The following UBE4B variants were observed in gnomAD, a reference collection of about 807,000 sequenced individuals.
UBE4B encodes ubiquitination factor E4B.
Under a neutral mutation model 148.1 loss-of-function variants are expected in UBE4B, and 27 were observed. The ratio of observed to expected loss-of-function variants is 0.18; its 90% CI spans 0.13 to 0.25. The LOEUF is 0.25. Ranked by LOEUF, UBE4B falls within the 10% of genes least tolerant of loss-of-function variation. The pLI is 1.00. For synonymous variants in UBE4B, 596 were observed against 619.3 expected (o/e 0.96, Z 0.56); for missense variants, 1,170 against 1,662.4 (o/e 0.70, Z 5.15).
Position 10,072,084 on chromosome 1 carries a change from C to G in UBE4B, c.81C>G (p.Thr27=), listed in dbSNP as rs1644496353. 6.2e-7 allele frequency: 1 copy of G among 1,612,806 alleles called. No individual in the cohort carries two copies. The highest frequency in any genetic ancestry group is 8.5e-7 in the Non-Finnish European group (1 of 1,179,552). ...GTGGACAGACCTCTCAGCCAACCAC[C>G]CCACTCACCTCTCCCCAGAGGGAGA... is the stretch of plus-strand genomic sequence containing the variant. ...LAGGQTSQPT[T]PLTSPQRENP... The change falls in exon 2 of 28, where the codon ACC becomes ACG. Residue 27 remains threonine, a synonymous_variant. Transcript: ENST00000343090.
intron 22 of UBE4B, 130 bp downstream of exon 22, chr1:10,158,612 C>G (rs922123167): frequency 8.4e-7 from 1 of 1,189,492 alleles, no homozygotes; most frequent in Non-Finnish European, 1.2e-6. Flanking sequence ...GAGTTTACCA[C>G]AAGATGCCAC....
chr1:10,076,615 T>G (rs1644587508), intron 2 of UBE4B, among the ~76,000 whole-genome samples: 1 of 151,954 alleles, frequency 6.6e-6, no homozygotes, highest in Non-Finnish European at 1.5e-5. Context: ...CCAGGAGTGC[T>G]TGGCAGCAGT....
intron 10 of UBE4B, among the ~76,000 whole-genome samples, chr1:10,125,140 A>T (rs998014591): frequency 2.0e-5 from 3 of 151,264 alleles, no homozygotes; most frequent in African/African-American, 7.4e-5. Flanking sequence ...AAAGAAAAAG[A>T]AAAAGAAAAA....
At chr1:10,074,337 CAT>C (rs1644542565) in intron 2 of UBE4B, among the ~76,000 whole-genome samples, 1 of 142,164 alleles carries the variant, frequency 7.0e-6, no homozygotes. Flanking sequence ...TTTTCCATCT[CAT>C]ATGGCCTTTT....
intron 1 of UBE4B, among the ~76,000 whole-genome samples, chr1:10,062,572 A>G (rs1644306264): frequency 6.6e-6 from 1 of 150,888 alleles, no homozygotes; most frequent in Admixed American, 6.6e-5. Context: ...CTTGGCTCCC[A>G]AAGTGTTGGG....
At chr1:10,095,661 TAG>T in intron 3 of UBE4B, 65 bp downstream of exon 3, 2 of 1,598,938 alleles carry the variant, frequency 1.3e-6, no homozygotes, top group Non-Finnish European at 1.7e-6. Flanking sequence ...CCATTCACTT[TAG>T]CCTCTAGTCC....
rs139164134 is a variant in UBE4B, at chr1:10,146,672, C to T, written c.2464-291C>T. 1.5e-3 allele frequency among the ~76,000 whole-genome samples: 228 copies of T among 152,212 alleles called. 2 individuals are homozygous for T. Among genetic ancestry groups the T allele is most frequent in the Middle Eastern group, 0.014 (4 of 294 alleles). Reference sequence around the variant, plus strand: ...CCTGACACCCAAAGGGCCTCCCTGTCGCCACCCTCTCCTCATCAGGTTATT... The same window carrying T: ...CCTGACACCCAAAGGGCCTCCCTGTTGCCACCCTCTCCTCATCAGGTTATT... On this transcript the variant is annotated intron_variant, in intron 18 of 27. Coordinates refer to ENST00000343090, the MANE Select transcript of UBE4B (RefSeq NM_001105562.3).
intron 5 of UBE4B, among the ~76,000 whole-genome samples, chr1:10,103,397 C>CTCTT (rs914362492): frequency 1.2e-4 from 17 of 137,478 alleles, no homozygotes; most frequent in South Asian, 2.3e-4. Context: ...GCATTACCTC[C>CTCTT]TCTTTATTTA....
intron 1 of UBE4B, among the ~76,000 whole-genome samples, chr1:10,063,893 A>G (rs1644334887): frequency 6.6e-6 from 1 of 151,754 alleles, no homozygotes; most frequent in Admixed American, 6.6e-5. Flanking sequence ...GGGCAACAAA[A>G]ATGAAACTGT....
intron 3 of UBE4B, among the ~76,000 whole-genome samples, chr1:10,097,966 G>C (rs1244045208): frequency 6.6e-6 from 1 of 151,448 alleles, no homozygotes. Flanking sequence ...CGCCTCCTGG[G>C]TTCAAGCAAT....
intron 7 of UBE4B, among the ~76,000 whole-genome samples, chr1:10,111,525 G>A (rs143239656): frequency 1.4e-4 from 21 of 152,208 alleles, no homozygotes; most frequent in African/African-American, 4.3e-4. Flanking sequence ...CACGCACACC[G>A]TCGTTCTTCA....
intron 22 of UBE4B, among the ~76,000 whole-genome samples, chr1:10,159,546 G>T (rs1294767210): frequency 2.0e-5 from 3 of 152,118 alleles, no homozygotes; most frequent in South Asian, 4.1e-4. Context: ...GGTGGTGGGC[G>T]CGGTGGCGGG....
intron 23 of UBE4B, chr1:10,163,152 G>A (rs1002386069): frequency 6.6e-6 from 1 of 151,990 alleles, no homozygotes; most frequent in African/African-American, 2.4e-5. Context: ...TCAACCTCCT[G>A]GACTCAAGTG....
chr1:10,035,102 C>CAGTG (rs1643453861), intron 1 of UBE4B, among the ~76,000 whole-genome samples: 2 of 151,624 alleles, frequency 1.3e-5, no homozygotes, highest in South Asian at 4.2e-4. Context: ...GGGTTCACAC[C>CAGTG]ATTCTCCTGC....
chr1:10,145,736 CAA>C (rs1645860395), intron 18 of UBE4B: 1 of 152,184 alleles, frequency 6.6e-6, no homozygotes, highest in Non-Finnish European at 1.5e-5. Context: ...TGATATTTGA[CAA>C]AGAGTATCTG....
At chr1:10,177,578 C>A (rs1646446495) in intron 25 of UBE4B, among the ~76,000 whole-genome samples, 1 of 152,078 alleles carries the variant, frequency 6.6e-6, no homozygotes, top group Non-Finnish European at 1.5e-5. Flanking sequence ...ATTGCTTGAG[C>A]CCAGGAGTTT....
rs1645003126 is a variant in UBE4B at position 10,101,094 on chromosome 1, T to C, written c.348-14T>C. 1 of 1,613,206 alleles carries C rather than the reference T, an allele frequency of 6.2e-7. No homozygotes were observed. Among genetic ancestry groups the C allele is most frequent in the Non-Finnish European group, 8.5e-7 (1 of 1,179,296 alleles). ...ATAAAAGGTAAAAGGCTTGTTTGTC[T>C]TTTGTACTTTAAGCATGTCCCAGGT... is the stretch of plus-strand genomic sequence containing the variant. On this transcript the variant is annotated splice_polypyrimidine_tract_variant and intron_variant, in intron 3 of 27. Transcript: ENST00000343090.
intron 1 of UBE4B, among the ~76,000 whole-genome samples, chr1:10,061,563 T>C (rs1171014001): frequency 6.6e-6 from 1 of 152,132 alleles, no homozygotes; most frequent in Non-Finnish European, 1.5e-5. Context: ...GAGCAAGTTT[T>C]TATGGAGGAT....
At chr1:10,131,822 G>A (rs968305383) in intron 14 of UBE4B, among the ~76,000 whole-genome samples, 4 of 152,072 alleles carry the variant, frequency 2.6e-5, no homozygotes, top group Admixed American at 6.5e-5. Context: ...GCATGGTGGC[G>A]GGTGCCTGTA....
Sources: gnomAD v4.1 joint callset for allele counts (sites outside exome capture counted in the v4.1 genomes callset) on GRCh38, gnomAD v4.1.1 for gene constraint, MANE v1.5 for transcripts, NCBI Gene and HGNC (gene_info 2026-07-23, HGNC 2026-07-21) for gene names.